HERC1: variants seen among roughly 807,000 people sequenced by gnomAD.
HERC1 encodes the protein probable E3 ubiquitin-protein ligase HERC1.
A neutral mutation model predicts 554.3 loss-of-function variants in HERC1; 160 were observed. That is an observed-to-expected ratio of 0.29 (90% CI 0.25 to 0.33). The LOEUF is 0.33. Among genes scored for constraint, HERC1 ranks in the 10% least tolerant of loss-of-function variants. The pLI is 1.00. For missense variants in HERC1, 4,919 were observed against 5,918.5 expected (o/e 0.83, Z 5.54); for synonymous variants, 2,175 against 2,131.7 (o/e 1.02, Z -0.56).
Position 63,649,884 on chromosome 15 carries a change from C to A in HERC1, c.10588G>T (p.Ala3530Ser), listed in dbSNP as rs1226668890. Residue 3530 changes from alanine to serine, a missense_variant, in exon 54 of 78, where the codon GCC (alanine) becomes TCC (serine). Physicochemically the swap from Ala to Ser is moderately conservative, Grantham distance 99. Around this residue, in one of 11 missense-constraint regions of HERC1, gnomAD observed 1,963 missense variants for 2,228.6 expected, o/e 0.88. Coordinates refer to ENST00000443617, the MANE Select transcript of HERC1 (RefSeq NM_003922.4). The part of the protein sequence containing the change: ...LVDIQPHWVS[A>S]LAWPEEGPAT... ...GGACCCTCTTCTGGCCAAGCCAGGGCAGATACCCAATGAGGCTGAATATCT... is the reference window on the plus strand; with the variant it reads ...GGACCCTCTTCTGGCCAAGCCAGGGAAGATACCCAATGAGGCTGAATATCT... 2 of 1,611,862 alleles carry A rather than the reference C, an allele frequency of 1.2e-6. No homozygotes were observed. The highest frequency in any genetic ancestry group is 8.5e-7 in the Non-Finnish European group (1 of 1,179,052).
At chr15:63,611,097 TGAA>T (rs1450417193) in intron 77 of HERC1, among the ~76,000 whole-genome samples, 1 of 152,048 alleles carries the variant, frequency 6.6e-6, no homozygotes, top group Admixed American at 6.6e-5. Context: ...GAAAGGGGTG[TGAA>T]GAAGGACTTA....
At chr15:63,678,685 T>G (rs2071325408) in intron 36 of HERC1, among the ~76,000 whole-genome samples, 1 of 152,124 alleles carries the variant, frequency 6.6e-6, no homozygotes, top group Non-Finnish European at 1.5e-5. Flanking sequence ...AAATAAGCCT[T>G]AAGGATATAC....
At chr15:63,722,458 C>A (rs1018304957) in intron 19 of HERC1, among the ~76,000 whole-genome samples, 2 of 152,208 alleles carry the variant, frequency 1.3e-5, no homozygotes, top group Admixed American at 6.5e-5. Context: ...CTCCCTTATC[C>A]ATGATCTTGC....
In HERC1 at chr15:63,674,717, G is replaced by A. The variant is rs1314898497; in HGVS notation, c.7471C>T (p.His2491Tyr). 1.2e-6 allele frequency: 2 copies of A among 1,613,704 alleles called. No homozygotes were observed. The highest frequency in any genetic ancestry group is 4.5e-5 in the East Asian group (2 of 44,870). ...GCTACATCATGGTTTTTGGACATGT[G>A]TTCATGATTTTTTCTTTTCCCTTCT... ...ITEGKRKNHE[H>Y]MSKNHDVAQS... Residue 2491 changes from histidine to tyrosine, a missense_variant, in exon 38 of 78, where the codon CAC becomes TAC. This residue lies in a region of HERC1 where 1,963 missense variants were observed against 2,228.6 expected (regional missense o/e 0.88). Coordinates refer to ENST00000443617, the MANE Select transcript of HERC1 (RefSeq NM_003922.4).
Position 63,612,172 on chromosome 15 carries a change from A to G in HERC1, c.14400+79T>C. 7.9e-7 allele frequency: 1 copy of G among 1,266,428 alleles called. No individual in the cohort carries two copies. The highest frequency in any genetic ancestry group is 1.1e-6 in the Non-Finnish European group (1 of 914,812). 78.4% of individuals were successfully genotyped at this position (1,266,428 alleles called of 1,614,324 possible). ...CACTGCACTCCAGCCTGGGCCACAG[A>G]GTGAGACCCTGTCTCAACAAAAACA... On this transcript the variant is annotated intron_variant, in intron 77 of 77. Transcript: ENST00000443617. This position sits in a 1 kb window ranked among gnomAD's most constrained non-coding sequence, Gnocchi z 5.0.
intron 61 of HERC1, among the ~76,000 whole-genome samples, 169 bp from the exon 62 acceptor site, chr15:63,638,945 C>G (rs559889672): frequency 1.6e-4 from 25 of 152,318 alleles, no homozygotes; most frequent in African/African-American, 5.8e-4. Flanking sequence ...ATTTTATGCA[C>G]TGTCAGTATT....
chr15:63,631,978 T>G lies in HERC1; in HGVS notation c.12796+731A>C, dbSNP rs75000306. Among the ~76,000 whole-genome samples the G allele has an allele frequency of 4.0e-3, 605 of 152,336 alleles. 2 individuals are homozygous for G. The highest frequency in any genetic ancestry group is 0.014 in the African/African-American group (566 of 41,576). ...AATAAGGATTTAACTACTATCATTA[T>G]GCAGCTAATGTCCTAAACCTACATC... is the stretch of plus-strand genomic sequence containing the variant. On this transcript the variant is annotated intron_variant, in intron 68 of 77. Coordinates refer to ENST00000443617, the MANE Select transcript of HERC1 (RefSeq NM_003922.4).
At chr15:63,642,314 C>T (rs1437436896) in intron 59 of HERC1, among the ~76,000 whole-genome samples, 1 of 152,090 alleles carries the variant, frequency 6.6e-6, no homozygotes, top group Non-Finnish European at 1.5e-5. Flanking sequence ...AATGCTTCTC[C>T]TTTTCAAGGA....
In HERC1 at chr15:63,687,403, T is replaced by C. The variant is rs139323548; in HGVS notation, c.6049-868A>G. Among the ~76,000 whole-genome samples the C allele has an allele frequency of 8.2e-3, 1,255 of 152,212 alleles. 24 individuals carry two copies. The highest frequency in any genetic ancestry group is 0.029 in the African/African-American group (1,203 of 41,534). ...AAATACAAAAATTAGTCAGGTGTGG[T>C]GGCAGGTGCCTGTAATCCCAGCTAC... On this transcript the variant is annotated intron_variant, in intron 33 of 77. Coordinates refer to ENST00000443617, the MANE Select transcript of HERC1 (RefSeq NM_003922.4).
chr15:63,763,991 C>G, intron 3 of HERC1, 105 bp downstream of exon 3: 3 of 527,674 alleles, frequency 5.7e-6, no homozygotes, highest in Non-Finnish European at 6.4e-6. Flanking sequence ...GTGCCACTTC[C>G]TTTTGTAGCT....
chr15:63,703,983 G>A (rs2072869395), intron 25 of HERC1, among the ~76,000 whole-genome samples: 1 of 151,798 alleles, frequency 6.6e-6, no homozygotes, highest in Admixed American at 6.6e-5. Flanking sequence ...GTCCTTCATG[G>A]CTCAAGTCAG....
chr15:63,729,348 CAAT>C lies in HERC1; in HGVS notation c.3039_3041del (p.Leu1015del), dbSNP rs772207517. 6.2e-7 allele frequency: 1 copy of C among 1,606,500 alleles called. No individual in the cohort carries two copies. Among genetic ancestry groups the C allele is most frequent in the Non-Finnish European group, 8.5e-7 (1 of 1,177,306 alleles). On this transcript the variant is annotated inframe_deletion, in exon 16 of 78. Coordinates refer to ENST00000443617, the MANE Select transcript of HERC1 (RefSeq NM_003922.4). ...ACAAAAGCTGAAGATGTTTATGAAG[CAAT>C]GCCACACTGCTTGAGTTCTAAGAAG... is the stretch of plus-strand genomic sequence containing the variant.
At position 63,785,367 on chromosome 15, in the gene HERC1, A is replaced by G. The variant is rs553599732; in HGVS notation, c.-26-9718T>C. On this transcript the variant is annotated intron_variant, in intron 1 of 77. Transcript: ENST00000443617. ...GCTCAGAAGTTCAAAGCTGTGAGCT[A>G]TAAGTGCACCACTGCACTCCAGCCT... 3.3e-5 allele frequency among the ~76,000 whole-genome samples: 5 copies of G among 152,328 alleles called. No homozygotes were observed. In the East Asian group the frequency reaches 5.8e-4, roughly 18 times the overall value.
chr15:63,786,021 T>C (rs1296251219), intron 1 of HERC1, among the ~76,000 whole-genome samples: 1 of 151,450 alleles, frequency 6.6e-6, no homozygotes, highest in Non-Finnish European at 1.5e-5. Flanking sequence ...GATAATTCTT[T>C]AGTGGAAAAA....
At chr15:63,787,444 G>A (rs28438975) in intron 1 of HERC1, among the ~76,000 whole-genome samples, 72,667 of 151,890 alleles carry the variant, frequency 0.48, 18,344 homozygotes, top group Non-Finnish European at 0.55. Flanking sequence ...GGCATGAGCC[G>A]CCACGGCTGA....
Position 63,758,070 on chromosome 15 carries a change from C to A in HERC1, c.1221+105G>T. 2 of 809,742 alleles carry A rather than the reference C, an allele frequency of 2.5e-6. No individual in the cohort carries two copies. Among genetic ancestry groups the A allele is most frequent in the Non-Finnish European group, 3.8e-6 (2 of 524,992 alleles). 50.2% of individuals were successfully genotyped at this position (809,742 alleles called of 1,614,324 possible). On this transcript the variant is annotated intron_variant, in intron 4 of 77. Coordinates refer to ENST00000443617, the MANE Select transcript of HERC1 (RefSeq NM_003922.4). The surrounding 1 kb of genome is among the most constrained non-coding windows in gnomAD (Gnocchi z 4.0). ...CAGTATATAGACCAGAAATAACCATCGATAATTTTCACTCATTTAAAAAAT... is the reference window on the plus strand; with the variant it reads ...CAGTATATAGACCAGAAATAACCATAGATAATTTTCACTCATTTAAAAAAT...
chr15:63,756,436 C>T lies in HERC1; in HGVS notation c.1533+1G>A. ...TTTATAACCAAAAAGAATGCACATA[C>T]CTTTCCTTGTAGAGGTCCCTGAATA... On this transcript the variant is annotated splice_donor_variant, in intron 5 of 77. Coordinates refer to ENST00000443617, the MANE Select transcript of HERC1 (RefSeq NM_003922.4). LOFTEE classifies it high-confidence loss of function. The surrounding 1 kb of genome is among the most constrained non-coding windows in gnomAD (Gnocchi z 5.0). 2 of 1,606,400 alleles carry T rather than the reference C, an allele frequency of 1.2e-6. No individual in the cohort carries two copies. The highest frequency in any genetic ancestry group is 1.7e-6 in the Non-Finnish European group (2 of 1,175,954).
intron 23 of HERC1, 71 bp from the exon 24 acceptor site, chr15:63,712,966 T>C (rs1224047696): frequency 4.9e-6 from 7 of 1,422,478 alleles, no homozygotes; most frequent in Middle Eastern, 1.8e-4. Flanking sequence ...TGAATGGAAT[T>C]GGAGCACAGA....
chr15:63,757,767 T>C (rs2075478139), intron 4 of HERC1, among the ~76,000 whole-genome samples: 1 of 152,206 alleles, frequency 6.6e-6, no homozygotes, highest in Non-Finnish European at 1.5e-5. Flanking sequence ...TGGAATGCAG[T>C]GGCATGTTCT....
Sources: allele counts gnomAD v4.1 joint callset (sites outside exome capture counted in the v4.1 genomes callset), GRCh38; gene constraint gnomAD v4.1.1; regional missense constraint gnomAD v4.1.1; non-coding constraint Gnocchi (gnomAD v3.1); transcripts MANE v1.5; gene names NCBI Gene and HGNC (gene_info 2026-07-23, HGNC 2026-07-21).